The following ANKRD17 variants were observed in gnomAD, a reference collection of about 807,000 sequenced individuals.
ANKRD17 encodes ankyrin repeat domain 17, also known as ankyrin repeat domain-containing protein 17.
A neutral mutation model predicts 229.7 loss-of-function variants in ANKRD17; 19 were observed. The ratio of observed to expected loss-of-function variants is 0.08; its 90% CI spans 0.06 to 0.12. ANKRD17 has a LOEUF of 0.12. ANKRD17 is among the 10% of genes least tolerant of loss of function. The pLI is 1.00. For missense variants in ANKRD17, 2,176 were observed against 3,176.8 expected, an observed-to-expected ratio of 0.68 and a Z score of 7.57; for synonymous variants, 1,112 against 1,146.1, an observed-to-expected ratio of 0.97 and a Z score of 0.60.
Position 73,143,324 on chromosome 4 carries a change from C to T in ANKRD17, c.1958-557G>A, listed in dbSNP as rs114287285. On this transcript the variant is annotated intron_variant, in intron 11 of 33. Coordinates refer to ENST00000358602, the MANE Select transcript of ANKRD17 (RefSeq NM_032217.5). ...TTGTTTTCGTAGAAATGGGGTCTTGCCATGCATGTTACCTAGGCTAGTCTC... is the reference window on the plus strand; with the variant it reads ...TTGTTTTCGTAGAAATGGGGTCTTGTCATGCATGTTACCTAGGCTAGTCTC... Among the ~76,000 whole-genome samples, 668 of 152,226 alleles carry T rather than the reference C, an allele frequency of 4.4e-3. 4 individuals are homozygous for T. Among genetic ancestry groups the T allele is most frequent in the African/African-American group, 0.015 (643 of 41,538 alleles).
intron 1 of ANKRD17, among the ~76,000 whole-genome samples, chr4:73,200,129 A>C (rs892003373): frequency 6.6e-6 from 1 of 152,196 alleles, no homozygotes; most frequent in Non-Finnish European, 1.5e-5. Flanking sequence ...GACAGACCAT[A>C]AATCTCCCCA....
intron 1 of ANKRD17, among the ~76,000 whole-genome samples, chr4:73,212,295 T>C (rs1478944309): frequency 3.3e-5 from 5 of 152,088 alleles, no homozygotes; most frequent in African/African-American, 7.2e-5. Flanking sequence ...CTCAAGACAA[T>C]GAAAAAGGAA....
At chr4:73,108,061 CAATCA>C (rs756457432) in intron 24 of ANKRD17, among the ~76,000 whole-genome samples, 2 of 152,174 alleles carry the variant, frequency 1.3e-5, no homozygotes, top group African/African-American at 2.4e-5. Flanking sequence ...TACAGTAGCA[CAATCA>C]CAGCTCACCG....
intron 16 of ANKRD17, among the ~76,000 whole-genome samples, chr4:73,125,761 A>AAAAGC (rs1560557604): frequency 6.6e-6 from 1 of 151,574 alleles, no homozygotes; most frequent in Non-Finnish European, 1.5e-5. Context: ...AAAAGAAAAG[A>AAAAGC]AAAGCAAGGT....
At chr4:73,094,637 T>TAC (rs1397477666) in intron 27 of ANKRD17, among the ~76,000 whole-genome samples, 1 of 151,484 alleles carries the variant, frequency 6.6e-6, no homozygotes, top group African/African-American at 2.4e-5. Context: ...AGTATGTGTG[T>TAC]ACACACACAC....
chr4:73,145,263 T>C (rs1474902922), intron 10 of ANKRD17, among the ~76,000 whole-genome samples: 2 of 152,158 alleles, frequency 1.3e-5, no homozygotes, highest in Non-Finnish European at 2.9e-5. Flanking sequence ...CTTATGAGTG[T>C]ATCCCATCTC....
chr4:73,207,627 A>G (rs563601056), intron 1 of ANKRD17, among the ~76,000 whole-genome samples: 4 of 152,352 alleles, frequency 2.6e-5, no homozygotes, highest in African/African-American at 4.8e-5. Context: ...GCTATTATCA[A>G]TTTCACATAC....
At chr4:73,135,681 T>C (rs2148788191) in intron 15 of ANKRD17, among the ~76,000 whole-genome samples, 1 of 152,306 alleles carries the variant, frequency 6.6e-6, no homozygotes, top group South Asian at 2.1e-4. Context: ...TCACACCTTA[T>C]ATTCTAGAAC....
At chr4:73,192,756 T>A (rs571138285) in intron 1 of ANKRD17, among the ~76,000 whole-genome samples, 3 of 152,290 alleles carry the variant, frequency 2.0e-5, no homozygotes, top group South Asian at 4.1e-4. Context: ...ATGTAACTCA[T>A]CTGAAAGTAT....
chr4:73,247,627 T>C (rs1206737903), intron 1 of ANKRD17, among the ~76,000 whole-genome samples: 1 of 152,012 alleles, frequency 6.6e-6, no homozygotes, highest in Non-Finnish European at 1.5e-5. Context: ...GTTAGCAGCA[T>C]TTACTCTAAG....
At chr4:73,221,996 T>TTC (rs1158385444) in intron 1 of ANKRD17, among the ~76,000 whole-genome samples, 4 of 152,120 alleles carry the variant, frequency 2.6e-5, no homozygotes, top group African/African-American at 9.7e-5. Flanking sequence ...TTGCAGCTTC[T>TTC]TCTCCCAAGC....
intron 29 of ANKRD17, among the ~76,000 whole-genome samples, chr4:73,088,441 T>C (rs1267299174): frequency 2.0e-5 from 3 of 152,190 alleles, no homozygotes; most frequent in African/African-American, 7.2e-5. Flanking sequence ...ACAGAGGTCT[T>C]TCTTCTATAC....
chr4:73,105,501 T>C (rs1724505388), intron 24 of ANKRD17, among the ~76,000 whole-genome samples: 1 of 151,144 alleles, frequency 6.6e-6, no homozygotes, highest in Non-Finnish European at 1.5e-5. Flanking sequence ...GCAACTCCAA[T>C]GGGAAAAGGA....
intron 1 of ANKRD17, among the ~76,000 whole-genome samples, chr4:73,248,078 A>T (rs892056763): frequency 6.6e-6 from 1 of 152,022 alleles, no homozygotes; most frequent in Non-Finnish European, 1.5e-5. Flanking sequence ...TCATATTTTA[A>T]CATATCTCCA....
intron 1 of ANKRD17, among the ~76,000 whole-genome samples, chr4:73,252,881 TGA>T (rs1425895728): frequency 6.6e-6 from 1 of 152,188 alleles, no homozygotes; most frequent in Non-Finnish European, 1.5e-5. Context: ...TTTTCTTTAG[TGA>T]GTTTTTCAGA....
At chr4:73,178,682 T>G (rs779180140) in intron 1 of ANKRD17, among the ~76,000 whole-genome samples, 1 of 152,070 alleles carries the variant, frequency 6.6e-6, no homozygotes, top group African/African-American at 2.4e-5. Flanking sequence ...CTTGAAATGG[T>G]CTCTGGGCCC....
chr4:73,191,894 C>T (rs1042245706), intron 1 of ANKRD17, among the ~76,000 whole-genome samples: 9 of 152,116 alleles, frequency 5.9e-5, no homozygotes, highest in African/African-American at 1.9e-4. Flanking sequence ...TATAAAAATA[C>T]TTGCACATGT....
chr4:73,146,103 G>A (rs1045156770), intron 10 of ANKRD17, among the ~76,000 whole-genome samples: 1 of 151,932 alleles, frequency 6.6e-6, no homozygotes, highest in Non-Finnish European at 1.5e-5. Flanking sequence ...GTTGCTTCAT[G>A]CTTTCTTACC....
chr4:73,171,753 G>A (rs1315920849), intron 2 of ANKRD17, among the ~76,000 whole-genome samples: 2 of 152,122 alleles, frequency 1.3e-5, no homozygotes, highest in South Asian at 4.1e-4. Context: ...CAATATTGGA[G>A]CTGAAAAATG....
Sources: allele counts gnomAD v4.1 joint callset (sites outside exome capture counted in the v4.1 genomes callset), GRCh38; gene constraint gnomAD v4.1.1; transcripts MANE v1.5; gene names NCBI Gene and HGNC (gene_info 2026-07-23, HGNC 2026-07-21).